The following ME1 variants were observed in gnomAD, a reference collection of about 807,000 sequenced individuals.
ME1 encodes the protein malic enzyme 1.
ME1 carries 74 observed loss-of-function variants against 66.4 expected under a neutral mutation model. The ratio of observed to expected loss-of-function variants is 1.11; its 90% CI spans 0.92 to 1.35. The LOEUF (loss-of-function observed/expected upper bound fraction) is 1.35. Among genes scored for constraint, ME1 ranks in the 40% most tolerant of loss-of-function variants. The probability of loss-of-function intolerance (pLI) is 0.00; values close to 1 mark genes in which losing one functional copy is unlikely to be tolerated. For missense variants in ME1, 750 were observed against 694.1 expected (o/e 1.08, Z -0.90); for synonymous variants, 251 against 235.6 (o/e 1.07, Z -0.60).
intron 8 of ME1, 150 bp downstream of exon 8, chr6:83,239,389 T>C: frequency 1.9e-6 from 1 of 514,014 alleles, no homozygotes; most frequent in South Asian, 3.9e-5. Flanking sequence ...AATTAATATG[T>C]CTCAGTACTT....
intron 7 of ME1, among the ~76,000 whole-genome samples, chr6:83,240,764 G>A (rs1790496138): frequency 2.0e-5 from 3 of 152,126 alleles, no homozygotes; most frequent in African/African-American, 7.2e-5. Flanking sequence ...TGTATGTCAA[G>A]TATCAAAGGT....
At position 83,398,660 on chromosome 6, in the gene ME1, T is replaced by C. The variant is rs1769787884; in HGVS notation, c.213-144A>G. The C allele has an allele frequency of 1.2e-5, 6 of 497,516 alleles. No individual in the cohort carries two copies. In the Admixed American group the frequency reaches 2.1e-4, roughly 17 times the overall value. 30.8% of individuals were successfully genotyped at this position (497,516 alleles called of 1,614,324 possible). On this transcript the variant is annotated intron_variant, in intron 2 of 13. Coordinates refer to ENST00000369705, the MANE Select transcript of ME1 (RefSeq NM_002395.6). ...CTGATTAAAAAAGACTTAAGAAATA[T>C]TCTTTTCTTTTTCTTTACGACAGAG... is the stretch of plus-strand genomic sequence containing the variant.
chr6:83,305,220 C>T (rs997361715), intron 6 of ME1, among the ~76,000 whole-genome samples: 17 of 152,058 alleles, frequency 1.1e-4, no homozygotes, highest in African/African-American at 3.6e-4. Context: ...AGCATTGATA[C>T]AGGAAGGAAC....
intron 9 of ME1, among the ~76,000 whole-genome samples, chr6:83,234,465 A>G (rs1790360909): frequency 1.3e-5 from 2 of 152,070 alleles, no homozygotes; most frequent in African/African-American, 4.8e-5. Context: ...TGATCCTGTT[A>G]CTTCCCTTAA....
chr6:83,350,921 T>A (rs1260566152), intron 4 of ME1, among the ~76,000 whole-genome samples: 1 of 127,440 alleles, frequency 7.8e-6, no homozygotes, highest in Admixed American at 1.0e-4. Context: ...GTGGATAACA[T>A]GGTCCTGTTG....
intron 2 of ME1, among the ~76,000 whole-genome samples, chr6:83,399,985 C>G (rs1296014157): frequency 6.6e-6 from 1 of 152,228 alleles, no homozygotes; most frequent in Non-Finnish European, 1.5e-5. Context: ...CAGACCTCAT[C>G]TTACCTATCA....
Position 83,298,931 on chromosome 6 carries a change from G to GTTTTTTTTTTTTTTTT in ME1, c.704+16363_704+16378dup, listed in dbSNP as rs61055748. 3.6e-4 allele frequency among the ~76,000 whole-genome samples: 8 copies of GTTTTTTTTTTTTTTTT among 22,494 alleles called. 2 individuals are homozygous for GTTTTTTTTTTTTTTTT. The highest frequency in any genetic ancestry group is 5.4e-4 in the Non-Finnish European group (7 of 12,858). 14.8% of individuals were successfully genotyped at this position (22,494 alleles called of 152,430 possible). A position where few individuals can be genotyped will look rare whatever the true frequency, so the allele number is the denominator to read the frequency against. On this transcript the variant is annotated intron_variant, in intron 6 of 13. Transcript: ENST00000369705. Reference sequence around the variant, plus strand: ...TGCTGTTCCATTAGTCTATGTGTCTGTTTTTTTTTTTTTTTTTTTTTTTTT... The same window carrying GTTTTTTTTTTTTTTTT: ...TGCTGTTCCATTAGTCTATGTGTCTGTTTTTTTTTTTTTTTTTTTTTTTTTTTTTTTTTTTTTTTTT...
chr6:83,358,740 G>C (rs1171339149), intron 3 of ME1, among the ~76,000 whole-genome samples: 2 of 152,172 alleles, frequency 1.3e-5, no homozygotes, highest in African/African-American at 2.4e-5. Context: ...ATCTCCAGTA[G>C]TGGCAACATC....
At chr6:83,353,407 A>G (rs757013939) in intron 3 of ME1, among the ~76,000 whole-genome samples, 17 of 152,184 alleles carry the variant, frequency 1.1e-4, no homozygotes, top group Non-Finnish European at 2.5e-4. Context: ...CCCTTTAAAG[A>G]GAAATTTCAC....
intron 2 of ME1, among the ~76,000 whole-genome samples, chr6:83,407,174 T>C (rs1769961982): frequency 6.6e-6 from 1 of 152,164 alleles, no homozygotes. Flanking sequence ...AAAGGCTTAG[T>C]ACCTTAGTAA....
intron 6 of ME1, among the ~76,000 whole-genome samples, chr6:83,282,492 G>A (rs189142038): frequency 2.0e-3 from 309 of 152,240 alleles, no homozygotes; most frequent in Non-Finnish European, 3.6e-3. Flanking sequence ...CATTTATGTG[G>A]CCAACAAACA....
At chr6:83,261,136 T>C (rs1766879865) in intron 6 of ME1, among the ~76,000 whole-genome samples, 1 of 152,216 alleles carries the variant, frequency 6.6e-6, no homozygotes, top group Non-Finnish European at 1.5e-5. Flanking sequence ...TTTTTTGACT[T>C]TTTAATAATA....
At chr6:83,409,703 C>A (rs558907002) in intron 1 of ME1, among the ~76,000 whole-genome samples, 2 of 152,154 alleles carry the variant, frequency 1.3e-5, no homozygotes, top group Non-Finnish European at 2.9e-5. Flanking sequence ...ACTGCAAGAG[C>A]GGGCTGGGAC....
At chr6:83,389,043 C>T (rs1019580446) in intron 3 of ME1, among the ~76,000 whole-genome samples, 11 of 152,138 alleles carry the variant, frequency 7.2e-5, no homozygotes, top group East Asian at 1.9e-4. Context: ...CACTTGAATC[C>T]GGGAGACAGA....
chr6:83,341,164 G>A (rs1768573936), intron 5 of ME1, among the ~76,000 whole-genome samples: 1 of 152,010 alleles, frequency 6.6e-6, no homozygotes, highest in Non-Finnish European at 1.5e-5. Context: ...CTAGGTAATG[G>A]AGCCCCAATA....
chr6:83,243,609 T>C (rs1320665292), intron 7 of ME1, among the ~76,000 whole-genome samples: 1 of 95,502 alleles, frequency 1.0e-5, no homozygotes, highest in Non-Finnish European at 1.8e-5. Flanking sequence ...TATAATTACA[T>C]TATATCGATA....
Position 83,430,908 on chromosome 6 carries a change from T to G in ME1, c.47A>C (p.Tyr16Ser). ...PRRRHTHQRG[Y>S]LLTRNPHLNK... Reference sequence around the variant, plus strand: ...GAGGTGAGGGTTCCGTGTCAGCAGGTAGCCGCGCTGATGGGTGTGGCGGCG... The same window carrying G: ...GAGGTGAGGGTTCCGTGTCAGCAGGGAGCCGCGCTGATGGGTGTGGCGGCG... Residue 16 changes from tyrosine to serine, a missense_variant, in exon 1 of 14, where the codon TAC becomes TCC. Coordinates refer to ENST00000369705, the MANE Select transcript of ME1 (RefSeq NM_002395.6). 6.2e-7 allele frequency: 1 copy of G among 1,603,030 alleles called. No individual in the cohort carries two copies. The highest frequency in any genetic ancestry group is 8.5e-7 in the Non-Finnish European group (1 of 1,175,202).
At chr6:83,225,807 A>ATT (rs982176678) in intron 11 of ME1, among the ~76,000 whole-genome samples, 9 of 84,860 alleles carry the variant, frequency 1.1e-4, no homozygotes, top group Non-Finnish European at 1.7e-4. Context: ...GGCCTGTAAC[A>ATT]TTATATATAT....
At chr6:83,303,442 C>T (rs753236094) in intron 6 of ME1, among the ~76,000 whole-genome samples, 15 of 152,252 alleles carry the variant, frequency 9.9e-5, no homozygotes, top group Non-Finnish European at 2.2e-4. Flanking sequence ...AATTATTTAA[C>T]TTGCCAATTG....
Sources: allele counts gnomAD v4.1 joint callset (sites outside exome capture counted in the v4.1 genomes callset), GRCh38; gene constraint gnomAD v4.1.1; transcripts MANE v1.5; gene names NCBI Gene and HGNC (gene_info 2026-07-23, HGNC 2026-07-21).